NAT1: variants seen among roughly 807,000 people sequenced by gnomAD.
NAT1 encodes the protein arylamine N-acetyltransferase 1.
For missense variants in NAT1, 400 were observed against 339.2 expected (o/e 1.18, Z -1.41); for synonymous variants, 144 against 122.6 (o/e 1.17, Z -1.16).
At chr8:18,192,129 A>C (rs1332606191) in intron 2 of NAT1, among the ~76,000 whole-genome samples, 2 of 151,856 alleles carry the variant, frequency 1.3e-5, no homozygotes, top group East Asian at 3.9e-4. Flanking sequence ...CAATGAACTC[A>C]AACAAATTTA....
At chr8:18,191,898 C>CTAGGCATTACCATTTAGGACA (rs1803006713) in intron 2 of NAT1, among the ~76,000 whole-genome samples, 1 of 152,144 alleles carries the variant, frequency 6.6e-6, no homozygotes, top group Non-Finnish European at 1.5e-5. Flanking sequence ...AGAAGAAGAC[C>CTAGGCATTACCATTTAGGACA]TAGGCATTAC....
chr8:18,221,222 T>C (rs8190848), intron 2 of NAT1, among the ~76,000 whole-genome samples: 2,755 of 152,232 alleles, frequency 0.018, 49 homozygotes, highest in Middle Eastern at 0.085. Flanking sequence ...ATTTTCTGTT[T>C]TCCTACTTGG....
intron 1 of NAT1, among the ~76,000 whole-genome samples, chr8:18,213,868 C>T (rs943325666): frequency 1.1e-4 from 16 of 150,006 alleles, no homozygotes; most frequent in East Asian, 2.0e-4. Context: ...GGCCGGGGTG[C>T]GGTGGCACTA....
chr8:18,190,613 C>G (rs1420953479), intron 2 of NAT1, among the ~76,000 whole-genome samples: 1 of 152,188 alleles, frequency 6.6e-6, no homozygotes, highest in Non-Finnish European at 1.5e-5. Flanking sequence ...CAGCTGCTCT[C>G]CAGGACGTGG....
intron 2 of NAT1, among the ~76,000 whole-genome samples, chr8:18,202,591 C>T (rs954734393): frequency 5.9e-5 from 9 of 152,214 alleles, no homozygotes; most frequent in Middle Eastern, 3.4e-3. Flanking sequence ...TTCATGGTCT[C>T]GCTGACTTCA....
chr8:18,175,026 T>C (rs1454828490), intron 2 of NAT1, among the ~76,000 whole-genome samples: 2 of 151,130 alleles, frequency 1.3e-5, no homozygotes. Context: ...AATATTTCTG[T>C]ATCATATTCA....
chr8:18,171,262 T>C lies in NAT1; in HGVS notation n.92+523T>C, dbSNP rs76388164. Among the ~76,000 whole-genome samples, 326 of 152,304 alleles carry C rather than the reference T, an allele frequency of 2.1e-3. 7 individuals carry two copies. The East Asian group carries it at 0.028, about 13-fold the overall frequency. ...GTGGTGACATTTAATTTGGACAGAA[T>C]TGTTTACTTGTGAGGCATATTCAGA... On this transcript the variant is annotated intron_variant and non_coding_transcript_variant, in intron 2 of 4. Transcript: ENST00000517441.
At chr8:18,199,636 G>T (rs887939916) in intron 2 of NAT1, among the ~76,000 whole-genome samples, 8 of 152,116 alleles carry the variant, frequency 5.3e-5, no homozygotes, top group African/African-American at 1.9e-4. Context: ...TTTGGCTTTT[G>T]GGAGTAGTAC....
At chr8:18,221,410 A>G (rs889789139) in intron 2 of NAT1, among the ~76,000 whole-genome samples, 2 of 150,956 alleles carry the variant, frequency 1.3e-5, no homozygotes, top group Non-Finnish European at 2.9e-5. Context: ...GGCACTTACT[A>G]CAATCTAACA....
At chr8:18,207,971 C>T (rs760993123), upstream of NAT1, among the ~76,000 whole-genome samples, 23 of 152,228 alleles carry the variant, frequency 1.5e-4, no homozygotes, top group Non-Finnish European at 2.5e-4. Flanking sequence ...TGCAGGGACA[C>T]GGATGAAGCT....
At chr8:18,209,895 A>C (rs1287214387), upstream of NAT1, 1 of 152,206 alleles carries the variant, frequency 6.6e-6, no homozygotes, top group African/African-American at 2.4e-5. Flanking sequence ...ATAAGAGCAC[A>C]GTCCTCCCAG....
intron 2 of NAT1, among the ~76,000 whole-genome samples, chr8:18,195,514 G>C (rs1370134149): frequency 1.3e-5 from 2 of 152,086 alleles, no homozygotes; most frequent in African/African-American, 2.4e-5. Context: ...TGGAAGTTTG[G>C]ACCCATCCCC....
intron 2 of NAT1, among the ~76,000 whole-genome samples, chr8:18,178,751 C>T (rs758004629): frequency 6.6e-6 from 1 of 152,134 alleles, no homozygotes; most frequent in African/African-American, 2.4e-5. Flanking sequence ...TAACCAGTTT[C>T]CCTAACAGAT....
intron 2 of NAT1, among the ~76,000 whole-genome samples, chr8:18,196,632 A>G (rs1366418599): frequency 6.6e-6 from 1 of 152,234 alleles, no homozygotes; most frequent in Admixed American, 6.5e-5. Context: ...AAAGTCATAA[A>G]TTCTTGAAGC....
chr8:18,215,520 T>C (rs919452098), intron 1 of NAT1, among the ~76,000 whole-genome samples: 13 of 152,240 alleles, frequency 8.5e-5, no homozygotes, highest in African/African-American at 2.9e-4. Flanking sequence ...TTCTAAGGTA[T>C]GAAATCTTTC....
At chr8:18,189,941 C>T (rs1589069115) in intron 2 of NAT1, among the ~76,000 whole-genome samples, 6 of 152,086 alleles carry the variant, frequency 3.9e-5, no homozygotes, top group Admixed American at 3.9e-4. Flanking sequence ...ATGCACGTGC[C>T]ACCACACCTG....
chr8:18,192,739 G>C (rs1269849637), intron 2 of NAT1, among the ~76,000 whole-genome samples: 1 of 150,556 alleles, frequency 6.6e-6, no homozygotes, highest in South Asian at 2.1e-4. Context: ...CTATCGCAAG[G>C]ACAAAAAACC....
intron 2 of NAT1, among the ~76,000 whole-genome samples, chr8:18,174,778 C>A (rs896058243): frequency 2.0e-5 from 3 of 152,054 alleles, no homozygotes; most frequent in African/African-American, 7.2e-5. Flanking sequence ...TCTGGGCAAA[C>A]CTCAGCACAC....
intron 2 of NAT1, among the ~76,000 whole-genome samples, chr8:18,185,258 G>A (rs6990966): frequency 0.29 from 43,622 of 151,856 alleles, 7,367 homozygotes; most frequent in African/African-American, 0.47. Flanking sequence ...AGTACAATTC[G>A]CCAGCAAAGC....
Sources: gnomAD v4.1 joint callset for allele counts (sites outside exome capture counted in the v4.1 genomes callset) on GRCh38, gnomAD v4.1.1 for gene constraint, MANE v1.5 for transcripts, NCBI Gene and HGNC (gene_info 2026-07-23, HGNC 2026-07-21) for gene names.